BCL2L1: variants seen among roughly 807,000 people sequenced by gnomAD.
BCL2L1 encodes BCL2 like 1.
A neutral mutation model predicts 18.7 loss-of-function variants in BCL2L1; 1 was observed. The ratio of observed to expected loss-of-function variants is 0.05; its 90% CI spans 0.02 to 0.25. The LOEUF is 0.25. Ranked by LOEUF, BCL2L1 falls within the 10% of genes least tolerant of loss-of-function variation. The pLI, the probability that BCL2L1 is intolerant of heterozygous loss-of-function variation, is 1.00. For missense variants in BCL2L1, 207 were observed against 304.9 expected, an observed-to-expected ratio of 0.68 and a Z score of 2.39; for synonymous variants, 103 against 122.7, an observed-to-expected ratio of 0.84 and a Z score of 1.06.
At chr20:31,696,930 A>C (rs897761533) in intron 2 of BCL2L1, among the ~76,000 whole-genome samples, 27 of 151,482 alleles carry the variant, frequency 1.8e-4, no homozygotes, top group Non-Finnish European at 3.5e-4. Context: ...GTGGTGGGTG[A>C]CTGTAATCCC....
intron 2 of BCL2L1, among the ~76,000 whole-genome samples, 193 bp from the exon 3 acceptor site, chr20:31,666,279 T>C (rs958340514): frequency 6.6e-5 from 10 of 152,136 alleles, no homozygotes; most frequent in African/African-American, 1.4e-4. Flanking sequence ...TCAAACCATG[T>C]TACTGCTGAG....
intron 2 of BCL2L1, among the ~76,000 whole-genome samples, chr20:31,674,889 A>G (rs1209890968): frequency 6.6e-6 from 1 of 151,736 alleles, no homozygotes; most frequent in Non-Finnish European, 1.5e-5. Context: ...AAAAAAAAAA[A>G]AAAAGGGAAG....
intron 2 of BCL2L1, among the ~76,000 whole-genome samples, chr20:31,670,478 A>C (rs1332500743): frequency 6.6e-6 from 1 of 152,158 alleles, no homozygotes; most frequent in Non-Finnish European, 1.5e-5. Flanking sequence ...AGCCACAGGA[A>C]ATTTTCAGCT....
rs992159061 is a variant in BCL2L1 at position 31,713,352 on chromosome 20, T to C, written c.564+8303A>G. ...AAAGGGTAGGGAGCAAAGAAAGTAA[T>C]GGACAAGAGGAAAGGCAGGGACACG... On this transcript the variant is annotated intron_variant, in intron 2 of 2. Coordinates refer to ENST00000307677, the MANE Select transcript of BCL2L1 (RefSeq NM_138578.3). The C allele has an allele frequency of 1.7e-5, 17 of 985,036 alleles. 1 individual carries two copies. Among genetic ancestry groups the C allele is most frequent in the Non-Finnish European group, 2.0e-5 (17 of 829,874 alleles). 61.0% of individuals were successfully genotyped at this position (985,036 alleles called of 1,614,324 possible).
At chr20:31,669,606 AT>A (rs1485250610) in intron 2 of BCL2L1, among the ~76,000 whole-genome samples, 2 of 151,520 alleles carry the variant, frequency 1.3e-5, no homozygotes, top group African/African-American at 2.4e-5. Context: ...CGCCTAGCTA[AT>A]TTTTGTATTT....
At chr20:31,689,136 G>A (rs2061011803) in intron 2 of BCL2L1, among the ~76,000 whole-genome samples, 1 of 148,362 alleles carries the variant, frequency 6.7e-6, no homozygotes, top group Non-Finnish European at 1.5e-5. Flanking sequence ...TCAGCACTTT[G>A]GGAAGCCGAG....
intron 2 of BCL2L1, among the ~76,000 whole-genome samples, chr20:31,719,489 G>A (rs544223317): frequency 2.6e-5 from 4 of 152,226 alleles, no homozygotes; most frequent in East Asian, 3.9e-4. Flanking sequence ...TGAGTCAAAT[G>A]TTCTTTACTC....
At chr20:31,709,121 C>A (rs932884187) in intron 2 of BCL2L1, among the ~76,000 whole-genome samples, 3 of 152,186 alleles carry the variant, frequency 2.0e-5, no homozygotes, top group Admixed American at 2.0e-4. Context: ...CCCATTAGGC[C>A]CACCTCTACC....
rs199575410 is a variant in BCL2L1 at position 31,697,892 on chromosome 20, G to GTTTTTTTTTTTTTTTTT, written c.564+23762_564+23763insAAAAAAAAAAAAAAAAA. The stretch of plus-strand genomic sequence containing the variant: ...AGAATCCTCAGCATGTGCTGTTGCT[G>GTTTTTTTTTTTTTTTTT]TTTTTTTTTTTTTGAGACGGAGTCT... On this transcript the variant is annotated intron_variant, in intron 2 of 2. Coordinates refer to ENST00000307677, the MANE Select transcript of BCL2L1 (RefSeq NM_138578.3). Among the ~76,000 whole-genome samples the GTTTTTTTTTTTTTTTTT allele has an allele frequency of 4.2e-4, 54 of 129,628 alleles. 2 individuals are homozygous for GTTTTTTTTTTTTTTTTT. Among genetic ancestry groups the GTTTTTTTTTTTTTTTTT allele is most frequent in the African/African-American group, 1.1e-3 (35 of 30,500 alleles). 85.0% of individuals were successfully genotyped at this position (129,628 alleles called of 152,430 possible). A position where few individuals can be genotyped will look rare whatever the true frequency, so the allele number is the denominator to read the frequency against.
intron 2 of BCL2L1, among the ~76,000 whole-genome samples, chr20:31,703,800 G>GT (rs1200728150): frequency 0.021 from 2,492 of 116,218 alleles, 39 homozygotes; most frequent in African/African-American, 0.05. Flanking sequence ...CCCTGAACTT[G>GT]TTTTTTTTTT....
intron 2 of BCL2L1, among the ~76,000 whole-genome samples, chr20:31,719,396 C>A (rs3181073): frequency 0.29 from 44,244 of 152,026 alleles, 8,084 homozygotes; most frequent in African/African-American, 0.51. Flanking sequence ...GATGCCACCA[C>A]AGTAGCCAGT....
At chr20:31,671,857 CCATATATATACA>C (rs1277379032) in intron 2 of BCL2L1, among the ~76,000 whole-genome samples, 1 of 147,308 alleles carries the variant, frequency 6.8e-6, no homozygotes, top group African/African-American at 2.5e-5. Context: ...ACTATATATA[CCATATATATACA>C]CACAATATGT....
chr20:31,676,830 C>T (rs1029735454), intron 2 of BCL2L1, among the ~76,000 whole-genome samples: 3 of 152,162 alleles, frequency 2.0e-5, no homozygotes, highest in Non-Finnish European at 4.4e-5. Context: ...TCCTTATGCA[C>T]TTATGGAGAG....
At chr20:31,703,027 G>T (rs981680843) in intron 2 of BCL2L1, among the ~76,000 whole-genome samples, 2 of 151,242 alleles carry the variant, frequency 1.3e-5, no homozygotes, top group African/African-American at 4.9e-5. Context: ...AATGCAATAA[G>T]ATCTGAACTT....
chr20:31,719,592 CAT>C (rs973229070), intron 2 of BCL2L1, among the ~76,000 whole-genome samples: 8 of 152,152 alleles, frequency 5.3e-5, no homozygotes, highest in Non-Finnish European at 1.2e-4. Context: ...GAGGAAGTGA[CAT>C]GTGGTATGTT....
At chr20:31,693,088 A>G (rs1351312074) in intron 2 of BCL2L1, among the ~76,000 whole-genome samples, 2 of 150,414 alleles carry the variant, frequency 1.3e-5, no homozygotes, top group East Asian at 3.9e-4. Flanking sequence ...AAACAAAAAC[A>G]AAAACAAAAA....
intron 2 of BCL2L1, among the ~76,000 whole-genome samples, chr20:31,675,825 C>A (rs1471514695): frequency 1.3e-5 from 2 of 152,174 alleles, no homozygotes; most frequent in Non-Finnish European, 2.9e-5. Context: ...ATAGAGGGCT[C>A]AAGCCATCTG....
intron 2 of BCL2L1, among the ~76,000 whole-genome samples, chr20:31,710,920 G>A (rs1420420649): frequency 6.6e-6 from 1 of 152,208 alleles, no homozygotes; most frequent in Non-Finnish European, 1.5e-5. Flanking sequence ...CCTGAGCCAG[G>A]TAGTCAGGGT....
chr20:31,699,667 T>C (rs907958715), intron 2 of BCL2L1, among the ~76,000 whole-genome samples: 1 of 152,248 alleles, frequency 6.6e-6, no homozygotes. Flanking sequence ...AGCCTGGCTT[T>C]AGAGCCAGCC....
Sources: allele counts gnomAD v4.1 joint callset (sites outside exome capture counted in the v4.1 genomes callset), GRCh38; gene constraint gnomAD v4.1.1; transcripts MANE v1.5; gene names NCBI Gene and HGNC (gene_info 2026-07-23, HGNC 2026-07-21).